Variants in SOX13 observed in about 807,000 individuals in gnomAD.
SOX13 encodes transcription factor SOX-13.
SOX13 carries 28 observed loss-of-function variants against 71.8 expected under a neutral mutation model. The observed-to-expected ratio is 0.39, with a 90% CI of 0.29 to 0.53. The LOEUF (loss-of-function observed/expected upper bound fraction) is 0.53, where lower values mean the gene tolerates loss of function less well. Among genes scored for constraint, SOX13 ranks in the 20% least tolerant of loss-of-function variants. The pLI, the probability that SOX13 is intolerant of heterozygous loss-of-function variation, is 0.70. For missense variants in SOX13, 627 were observed against 810.3 expected (o/e 0.77, Z 2.75); for synonymous variants, 309 against 317.8 (o/e 0.97, Z 0.29).
chr1:204,116,028 C>A lies in SOX13; in HGVS notation c.419-479C>A. 1.1e-5 allele frequency: 5 copies of A among 464,766 alleles called. 1 individual carries two copies. The South Asian group carries it at 1.1e-4, about 10-fold the overall frequency. 28.8% of individuals were successfully genotyped at this position (464,766 alleles called of 1,614,324 possible). Reference sequence around the variant, plus strand: ...GGTGATTATTATTATGCCCACTTACCAAGATTTTGAAAACCCTAAAGTGCA... The same window carrying A: ...GGTGATTATTATTATGCCCACTTACAAAGATTTTGAAAACCCTAAAGTGCA... On this transcript the variant is annotated intron_variant, in intron 4 of 13. Transcript: ENST00000367204.
intron 1 of SOX13, among the ~76,000 whole-genome samples, chr1:204,090,060 C>A (rs1656110328): frequency 6.6e-6 from 1 of 152,124 alleles, no homozygotes; most frequent in African/African-American, 2.4e-5. Context: ...TGGTGGGAGC[C>A]CAGGCTGCTT....
At position 204,123,244 on chromosome 1, in the gene SOX13, G is replaced by T. The variant is rs1558223059; in HGVS notation, c.1231+36G>T. The T allele has an allele frequency of 2.0e-6, 3 of 1,520,484 alleles. No homozygotes were observed. The highest frequency in any genetic ancestry group is 1.7e-5 in the Admixed American group (1 of 59,868). 94.2% of individuals were successfully genotyped at this position (1,520,484 alleles called of 1,614,324 possible). A position where few individuals can be genotyped will look rare whatever the true frequency, so the allele number is the denominator to read the frequency against. On this transcript the variant is annotated intron_variant, in intron 11 of 13. Coordinates refer to ENST00000367204, the MANE Select transcript of SOX13 (RefSeq NM_005686.3). This position sits in a 1 kb window ranked among gnomAD's most constrained non-coding sequence, Gnocchi z 5.0. ...AGGCGCAGGGCTGATGCGCAGGAGGGCCCAACTCTGTATTCCACCAGGGCC... is the reference window on the plus strand; with the variant it reads ...AGGCGCAGGGCTGATGCGCAGGAGGTCCCAACTCTGTATTCCACCAGGGCC...
chr1:204,105,532 A>C (rs1656452922), intron 1 of SOX13, among the ~76,000 whole-genome samples: 1 of 151,648 alleles, frequency 6.6e-6, no homozygotes, highest in African/African-American at 2.4e-5. Flanking sequence ...CAGCCTCCTG[A>C]GTAGCTGGGA....
chr1:204,119,931 A>G (rs1387008071), intron 7 of SOX13: 1 of 152,120 alleles, frequency 6.6e-6, no homozygotes, highest in East Asian at 1.9e-4. Flanking sequence ...GCGTGAGCCC[A>G]GGAGGACAAG....
chr1:204,086,555 C>G (rs1339619874), intron 1 of SOX13, among the ~76,000 whole-genome samples: 2 of 152,148 alleles, frequency 1.3e-5, no homozygotes, highest in Non-Finnish European at 2.9e-5. Flanking sequence ...CCCGCCTCGG[C>G]CTTCCAAAGT....
At chr1:204,110,118 C>T (rs962104016) in intron 1 of SOX13, among the ~76,000 whole-genome samples, 4 of 152,004 alleles carry the variant, frequency 2.6e-5, no homozygotes, top group African/African-American at 9.7e-5. Context: ...AGGCATGAGC[C>T]GCCGCGTCTG....
At chr1:204,092,533 A>G (rs767190130) in intron 1 of SOX13, among the ~76,000 whole-genome samples, 2 of 152,240 alleles carry the variant, frequency 1.3e-5, no homozygotes, top group Non-Finnish European at 2.9e-5. Flanking sequence ...GGAAAAGAAT[A>G]ACACCTACTT....
intron 2 of SOX13, among the ~76,000 whole-genome samples, chr1:204,113,541 G>A (rs1203552329): frequency 6.6e-6 from 1 of 152,090 alleles, no homozygotes; most frequent in Non-Finnish European, 1.5e-5. Flanking sequence ...AAGATGATAC[G>A]GTTCTTGACC....
chr1:204,092,395 C>T (rs1656166043), intron 1 of SOX13, among the ~76,000 whole-genome samples: 1 of 152,076 alleles, frequency 6.6e-6, no homozygotes, highest in Non-Finnish European at 1.5e-5. Context: ...TGGCCCACTG[C>T]AGCCTTGACC....
At position 204,126,316 on chromosome 1, in the gene SOX13, C is replaced by A; in HGVS notation, c.*182C>A. On this transcript the variant is annotated 3_prime_UTR_variant, in exon 14 of 14. Coordinates refer to ENST00000367204, the MANE Select transcript of SOX13 (RefSeq NM_005686.3). ...AGAGGCGCCCTCCCTTCCTGAGGAGCTGTTGGCCTGGGTGGGCAGGAACTG... is the reference window on the plus strand; with the variant it reads ...AGAGGCGCCCTCCCTTCCTGAGGAGATGTTGGCCTGGGTGGGCAGGAACTG... 1.5e-6 allele frequency: 1 copy of A among 686,224 alleles called. No homozygotes were observed. Among genetic ancestry groups the A allele is most frequent in the Non-Finnish European group, 2.4e-6 (1 of 411,292 alleles). 42.5% of individuals were successfully genotyped at this position (686,224 alleles called of 1,614,324 possible).
Position 204,122,912 on chromosome 1 carries a change from G to A in SOX13, c.1083G>A (p.Leu361=). The A allele has an allele frequency of 6.3e-7, 1 of 1,588,718 alleles. No individual in the cohort carries two copies. The highest frequency in any genetic ancestry group is 1.7e-4 in the Middle Eastern group (1 of 6,036). ...CCATCCAGGATGCTCGGCAGCTGCT[G>A]CACAGCCACAGTGGGGCCTTGGATG... is the stretch of plus-strand genomic sequence containing the variant. ...TKAIQDARQL[L]HSHSGALDGS... The change falls in exon 10 of 14, where the codon CTG becomes CTA. Residue 361 remains leucine (L), a synonymous_variant. Coordinates refer to ENST00000367204, the MANE Select transcript of SOX13 (RefSeq NM_005686.3).
In SOX13 at chr1:204,073,366, C is replaced by G. The variant is rs895298165; in HGVS notation, c.-347C>G. On this transcript the variant is annotated 5_prime_UTR_variant, in exon 1 of 14. Coordinates refer to ENST00000367204, the MANE Select transcript of SOX13 (RefSeq NM_005686.3). This position sits in a 1 kb window ranked among gnomAD's most constrained non-coding sequence, Gnocchi z 6.8. ...CGTCCGACGAGTCGCAGAGCAGGAC[C>G]GCGGAAGGCAGGGAGACGGCCGCAA... The G allele has an allele frequency of 8.5e-5, 13 of 152,454 alleles. No homozygotes were observed. The highest frequency in any genetic ancestry group is 4.6e-4 in the Admixed American group (7 of 15,282). 9.4% of individuals were successfully genotyped at this position (152,454 alleles called of 1,614,324 possible). A position where few individuals can be genotyped will look rare whatever the true frequency, so the allele number is the denominator to read the frequency against.
chr1:204,120,147 A>G (rs1228352194), intron 7 of SOX13, among the ~76,000 whole-genome samples: 1 of 152,224 alleles, frequency 6.6e-6, no homozygotes, highest in Non-Finnish European at 1.5e-5. Flanking sequence ...TAAGCTGTCC[A>G]GTTTATGGCA....
chr1:204,092,869 A>G (rs549146242), intron 1 of SOX13, among the ~76,000 whole-genome samples: 1 of 151,612 alleles, frequency 6.6e-6, no homozygotes, highest in Non-Finnish European at 1.5e-5. Context: ...GCTGTGCAGC[A>G]CGGGTCAAGT....
intron 1 of SOX13, among the ~76,000 whole-genome samples, chr1:204,076,262 G>A (rs1655784099): frequency 6.6e-6 from 1 of 152,210 alleles, no homozygotes; most frequent in Non-Finnish European, 1.5e-5. Flanking sequence ...TGCTGGATCA[G>A]GATTGGATGT....
intron 1 of SOX13, chr1:204,074,343 G>A: frequency 2.0e-5 from 1 of 49,048 alleles, no homozygotes; most frequent in South Asian, 5.9e-4. Context: ...CACCCCCACC[G>A]CAGGCTGCTT....
At position 204,117,201 on chromosome 1, in the gene SOX13, G is replaced by GGGAGACCCGGAGA. The variant is rs768828798; in HGVS notation, c.660+14_660+26dup. On this transcript the variant is annotated intron_variant, in intron 6 of 13. Coordinates refer to ENST00000367204, the MANE Select transcript of SOX13 (RefSeq NM_005686.3). ...CAGCAGCAGATCCAGGTAACCGGAG[G>GGGAGACCCGGAGA]GGAGACCCGGAGAGGCACAGGAGGC... The GGGAGACCCGGAGA allele has an allele frequency of 6.2e-7, 1 of 1,613,342 alleles. No individual in the cohort carries two copies. The highest frequency in any genetic ancestry group is 8.5e-7 in the Non-Finnish European group (1 of 1,179,310).
chr1:204,123,898 G>C lies in SOX13; in HGVS notation c.1375+94G>C, dbSNP rs942006888. ...GGCTTGCTTGGTGATATTCCATACT[G>C]TGTTGGACTCCAGTGGAATCTGACG... On this transcript the variant is annotated intron_variant, in intron 12 of 13. Transcript: ENST00000367204. This position sits in a 1 kb window ranked among gnomAD's most constrained non-coding sequence, Gnocchi z 5.0. 232 of 1,389,738 alleles carry C rather than the reference G, an allele frequency of 1.7e-4. No homozygotes were observed. Among genetic ancestry groups the C allele is most frequent in the Non-Finnish European group, 2.2e-4 (222 of 1,003,574 alleles). The allele number at this position is 1,389,738 out of a possible 1,614,324, so 86.1% of individuals were successfully genotyped here. A position where few individuals can be genotyped will look rare whatever the true frequency, so the allele number is the denominator to read the frequency against.
intron 1 of SOX13, among the ~76,000 whole-genome samples, chr1:204,092,943 G>T (rs918623957): frequency 5.3e-5 from 8 of 152,122 alleles, no homozygotes; most frequent in Non-Finnish European, 1.2e-4. Flanking sequence ...GCTCTCACTT[G>T]AGAAGAGAGA....
Sources: allele counts gnomAD v4.1 joint callset (sites outside exome capture counted in the v4.1 genomes callset), GRCh38; gene constraint gnomAD v4.1.1; non-coding constraint Gnocchi (gnomAD v3.1); transcripts MANE v1.5; gene names NCBI Gene and HGNC (gene_info 2026-07-23, HGNC 2026-07-21).